The following CCDC3 variants were observed in gnomAD, a reference collection of about 807,000 sequenced individuals.
CCDC3 encodes coiled-coil domain containing 3.
Under a neutral mutation model 21.4 loss-of-function variants are expected in CCDC3, and 24 were observed. That is an observed-to-expected ratio of 1.12 (90% confidence interval 0.81 to 1.58). CCDC3 has a LOEUF of 1.58. Among genes scored for constraint, CCDC3 ranks in the 40% most tolerant of loss-of-function variants. The pLI is 0.00. For missense variants in CCDC3, 425 were observed against 360.9 expected (o/e 1.18, Z -1.44); for synonymous variants, 186 against 166.0 (o/e 1.12, Z -0.93).
At chr10:12,988,501 G>A (rs960002546) in intron 2 of CCDC3, among the ~76,000 whole-genome samples, 4 of 152,018 alleles carry the variant, frequency 2.6e-5, no homozygotes, top group Admixed American at 1.3e-4. Context: ...GTGCCACTAT[G>A]CCTGGCTAAT....
chr10:13,069,670 T>C (rs1836861223), intron 4 of CCDC3, among the ~76,000 whole-genome samples: 1 of 152,322 alleles, frequency 6.6e-6, no homozygotes, highest in African/African-American at 2.4e-5. Flanking sequence ...TTTAAGTACA[T>C]TGGATTGCCA....
At chr10:13,043,663 C>T (rs1476132249) in intron 5 of CCDC3, among the ~76,000 whole-genome samples, 8 of 152,094 alleles carry the variant, frequency 5.3e-5, no homozygotes, top group Non-Finnish European at 1.2e-4. Context: ...TCTCCACCCA[C>T]GTTGCTGCAA....
At chr10:13,055,612 A>G (rs751913056) in intron 4 of CCDC3, among the ~76,000 whole-genome samples, 1 of 152,032 alleles carries the variant, frequency 6.6e-6, no homozygotes, top group South Asian at 2.1e-4. Flanking sequence ...GGCAGAATCC[A>G]CCTCTTGATG....
At chr10:12,938,717 C>T (rs1205056111) in intron 2 of CCDC3, among the ~76,000 whole-genome samples, 3 of 152,154 alleles carry the variant, frequency 2.0e-5, no homozygotes, top group Non-Finnish European at 4.4e-5. Flanking sequence ...ATTGCTCGTG[C>T]CTTCACTTCT....
chr10:13,035,164 C>A (rs972371601), intron 5 of CCDC3, among the ~76,000 whole-genome samples: 1 of 152,082 alleles, frequency 6.6e-6, no homozygotes, highest in Non-Finnish European at 1.5e-5. Context: ...TTCTGGGTGG[C>A]AATCTCACAG....
chr10:12,984,294 C>T (rs1299184981), intron 2 of CCDC3, among the ~76,000 whole-genome samples: 1 of 152,180 alleles, frequency 6.6e-6, no homozygotes, highest in African/African-American at 2.4e-5. Flanking sequence ...GCCCAATAAG[C>T]ACCGTAAAGA....
upstream of CCDC3, among the ~76,000 whole-genome samples, chr10:13,002,250 C>G (rs1295241587): frequency 6.6e-6 from 1 of 152,132 alleles, no homozygotes; most frequent in African/African-American, 2.4e-5. Context: ...ATCCCTGATT[C>G]CATTTTCTAA....
chr10:13,089,683 A>T (rs1292448527), intron 3 of CCDC3, among the ~76,000 whole-genome samples: 1 of 151,754 alleles, frequency 6.6e-6, no homozygotes, highest in East Asian at 1.9e-4. Flanking sequence ...TTTAAATTTT[A>T]ATTTTTTTAT....
At chr10:12,931,208 C>CAAAAAAAAAAAA (rs67541166) in intron 2 of CCDC3, among the ~76,000 whole-genome samples, 1 of 75,054 alleles carries the variant, frequency 1.3e-5, no homozygotes, top group African/African-American at 4.8e-5. Flanking sequence ...AAGACTCTGT[C>CAAAAAAAAAAAA]AAAAAAAAAA....
intron 5 of CCDC3, among the ~76,000 whole-genome samples, chr10:13,044,490 T>G (rs772484517): frequency 2.6e-5 from 4 of 152,216 alleles, no homozygotes; most frequent in Non-Finnish European, 4.4e-5. Flanking sequence ...GGTCTTACGT[T>G]TAAATCCTTA....
chr10:13,071,625 T>C (rs1171857471), intron 4 of CCDC3, among the ~76,000 whole-genome samples: 3 of 152,106 alleles, frequency 2.0e-5, no homozygotes, highest in Admixed American at 6.5e-5. Flanking sequence ...TTGACACCCA[T>C]AGGTGGCACC....
At chr10:12,924,687 A>T in intron 2 of CCDC3, 1 of 151,334 alleles carries the variant, frequency 6.6e-6, no homozygotes, top group South Asian at 2.1e-4. Flanking sequence ...CTGTGAGGCA[A>T]CTCCTCCTCT....
intron 5 of CCDC3, among the ~76,000 whole-genome samples, chr10:13,037,205 G>C (rs1252907016): frequency 1.3e-5 from 2 of 152,076 alleles, no homozygotes; most frequent in Non-Finnish European, 2.9e-5. Context: ...CAAGCCCTCA[G>C]CTTTAATAAT....
intron 2 of CCDC3, among the ~76,000 whole-genome samples, chr10:12,943,323 C>T (rs568795461): frequency 6.6e-6 from 1 of 152,140 alleles, no homozygotes; most frequent in African/African-American, 2.4e-5. Context: ...CAAGGGAACC[C>T]CGAAGAAATG....
intron 5 of CCDC3, among the ~76,000 whole-genome samples, chr10:13,045,979 C>G (rs1836520738): frequency 6.6e-6 from 1 of 151,816 alleles, no homozygotes; most frequent in African/African-American, 2.4e-5. Context: ...ATCCCAGCTA[C>G]TCAGGAAGGC....
chr10:13,055,247 T>C (rs74121547), intron 4 of CCDC3, among the ~76,000 whole-genome samples: 6,457 of 152,210 alleles, frequency 0.042, 496 homozygotes, highest in African/African-American at 0.15. Flanking sequence ...CGCCCAGAAC[T>C]GGCACAGCAC....
chr10:13,080,652 C>A (rs751351029), intron 3 of CCDC3, among the ~76,000 whole-genome samples: 1 of 152,206 alleles, frequency 6.6e-6, no homozygotes, highest in Non-Finnish European at 1.5e-5. Context: ...AAATCTTATT[C>A]CAACTGCATC....
At chr10:12,978,374 GA>G (rs1407339654) in intron 2 of CCDC3, among the ~76,000 whole-genome samples, 2 of 152,214 alleles carry the variant, frequency 1.3e-5, no homozygotes, top group South Asian at 2.1e-4. Context: ...GTTAAGAGAT[GA>G]AAACTTTCAA....
chr10:12,948,346 C>A (rs562071161), intron 2 of CCDC3, among the ~76,000 whole-genome samples: 1 of 151,372 alleles, frequency 6.6e-6, no homozygotes, highest in Non-Finnish European at 1.5e-5. Context: ...AGCATGAGAA[C>A]AGACTAATAC....
Sources: gnomAD v4.1 joint callset for allele counts (sites outside exome capture counted in the v4.1 genomes callset) on GRCh38, gnomAD v4.1.1 for gene constraint, MANE v1.5 for transcripts, NCBI Gene and HGNC (gene_info 2026-07-23, HGNC 2026-07-21) for gene names.